PCDHGB2: variants seen among roughly 807,000 people sequenced by gnomAD.
PCDHGB2 encodes protocadherin gamma subfamily B, 2, also known as protocadherin gamma-B2.
A neutral mutation model predicts 59.3 loss-of-function variants in PCDHGB2; 55 were observed. That is an observed-to-expected ratio of 0.93 (90% CI 0.75 to 1.16). The LOEUF (loss-of-function observed/expected upper bound fraction) is 1.16, where lower values mean the gene tolerates loss of function less well. PCDHGB2 is among the 50% of genes most tolerant of loss of function. The probability of loss-of-function intolerance (pLI) is 0.00; values close to 1 mark genes in which losing one functional copy is unlikely to be tolerated. For synonymous variants in PCDHGB2, 516 were observed against 512.0 expected, an observed-to-expected ratio of 1.01 and a Z score of -0.11; for missense variants, 1,228 against 1,198.5, an observed-to-expected ratio of 1.02 and a Z score of -0.36.
intron 1 of PCDHGB2, among the ~76,000 whole-genome samples, chr5:141,494,568 C>T (rs2099755322): frequency 6.6e-6 from 1 of 152,138 alleles, no homozygotes; most frequent in African/African-American, 2.4e-5. Context: ...GGAAAGGAGT[C>T]TCAGCTTGCT....
Position 141,431,046 on chromosome 5 carries a change from G to A in PCDHGB2, c.2422-63761G>A, listed in dbSNP as rs1324139757. 7 of 1,614,240 alleles carry A rather than the reference G, an allele frequency of 4.3e-6. 1 individual carries two copies. The Admixed American group carries it at 1.0e-4, about 23-fold the overall frequency. ...GGCAGGATAGACCGGGAGGAGCTCTGTATGGGGGCCATCAAGTGTCAATTA... is the reference window on the plus strand; with the variant it reads ...GGCAGGATAGACCGGGAGGAGCTCTATATGGGGGCCATCAAGTGTCAATTA... On this transcript the variant is annotated intron_variant, in intron 1 of 3. Transcript: ENST00000522605. The surrounding 1 kb of genome is among the most constrained non-coding windows in gnomAD (Gnocchi z 4.8).
chr5:141,403,079 T>C (rs770770660), intron 1 of PCDHGB2: 3 of 1,614,064 alleles, frequency 1.9e-6, no homozygotes, highest in Non-Finnish European at 1.7e-6. Flanking sequence ...AGAAAAGGGC[T>C]ATATTGTGGG....
intron 1 of PCDHGB2, among the ~76,000 whole-genome samples, chr5:141,492,927 G>A (rs925569925): frequency 2.0e-5 from 3 of 152,180 alleles, no homozygotes; most frequent in Admixed American, 6.5e-5. Context: ...AGCGATCTAG[G>A]GTCAGAGATT....
chr5:141,483,442 AATCATCAGGACTTGTTG>A (rs2099581330), intron 1 of PCDHGB2, among the ~76,000 whole-genome samples: 1 of 152,196 alleles, frequency 6.6e-6, no homozygotes, highest in Non-Finnish European at 1.5e-5. Context: ...ACTACAATAA[AATCATCAGGACTTGTTG>A]ATTGACATGA....
chr5:141,400,965 CTCTT>C (rs2094096418), intron 1 of PCDHGB2, among the ~76,000 whole-genome samples: 1 of 151,032 alleles, frequency 6.6e-6, no homozygotes, highest in Non-Finnish European at 1.5e-5. Flanking sequence ...TAGTTTTCAT[CTCTT>C]TCTTATGTTC....
intron 1 of PCDHGB2, chr5:141,492,055 G>C (rs1335131646): frequency 4.1e-6 from 2 of 493,506 alleles, no homozygotes; most frequent in Non-Finnish European, 7.1e-6. Flanking sequence ...CACCCCTGCA[G>C]CCAGCCTCCT....
rs529787438 is a variant in PCDHGB2 at position 141,470,330 on chromosome 5, G to A, written c.2422-24477G>A. Among the ~76,000 whole-genome samples the A allele has an allele frequency of 3.3e-4, 50 of 152,144 alleles. 1 individual carries two copies. The highest frequency in any genetic ancestry group is 1.1e-3 in the African/African-American group (47 of 41,498). ...TTTTCCTCAAATGATCCCATAATTT[G>A]ACCTTAGGAAGCTGTTCAAATAGAC... On this transcript the variant is annotated intron_variant, in intron 1 of 3. Coordinates refer to ENST00000522605, the MANE Select transcript of PCDHGB2 (RefSeq NM_018923.3).
intron 1 of PCDHGB2, chr5:141,413,323 G>A (rs1221252167): frequency 2.5e-6 from 4 of 1,613,840 alleles, no homozygotes; most frequent in Non-Finnish European, 3.4e-6. Flanking sequence ...CTCTTTCGTG[G>A]GCAACATCTC....
chr5:141,419,681 G>T (rs377117997), intron 1 of PCDHGB2: 89 of 1,612,904 alleles, frequency 5.5e-5, no homozygotes, highest in Non-Finnish European at 7.0e-5. Flanking sequence ...GTCCTACCAC[G>T]TGGTGCAGGC....
At chr5:141,404,437 C>T in intron 1 of PCDHGB2, 3 of 1,613,094 alleles carry the variant, frequency 1.9e-6, no homozygotes, top group Non-Finnish European at 2.5e-6. Context: ...CAGAGGATAC[C>T]ATCCAAGGGT....
intron 1 of PCDHGB2, chr5:141,399,646 AGT>A: frequency 6.2e-7 from 1 of 1,613,790 alleles, no homozygotes; most frequent in African/African-American, 1.3e-5. Context: ...GAGCGCGCAA[AGT>A]GGGGTGGTGT....
chr5:141,397,004 T>A (rs2150690904), intron 1 of PCDHGB2, among the ~76,000 whole-genome samples: 2 of 152,342 alleles, frequency 1.3e-5, no homozygotes, highest in African/African-American at 4.8e-5. Context: ...ATCTGACAAA[T>A]GGACTAAAGA....
At position 141,364,360 on chromosome 5, in the gene PCDHGB2, C is replaced by G. The variant is rs200312693; in HGVS notation, c.2421+1804C>G. 3.8e-6 allele frequency: 6 copies of G among 1,558,464 alleles called. No individual in the cohort carries two copies. The highest frequency in any genetic ancestry group is 1.7e-4 in the Middle Eastern group (1 of 5,766). On this transcript the variant is annotated intron_variant, in intron 1 of 3. Coordinates refer to ENST00000522605, the MANE Select transcript of PCDHGB2 (RefSeq NM_018923.3). ...CGAGTCCACCTAGGGGCTGGGGCTGCGGAGAGCTGCTGCTGCCCTTCATGC... is the reference window on the plus strand; with the variant it reads ...CGAGTCCACCTAGGGGCTGGGGCTGGGGAGAGCTGCTGCTGCCCTTCATGC...
At position 141,445,006 on chromosome 5, in the gene PCDHGB2, G is replaced by A. The variant is rs550056654; in HGVS notation, c.2422-49801G>A. Among the ~76,000 whole-genome samples, 51 of 152,044 alleles carry A rather than the reference G, an allele frequency of 3.4e-4. 2 individuals are homozygous for A. The South Asian group carries it at 9.6e-3, about 28-fold the overall frequency. ...CATGGTATATATTTCCATTTAATTA[G>A]GTCTTTAATTTCTCTCAGCTATGTT... On this transcript the variant is annotated intron_variant, in intron 1 of 3. Transcript: ENST00000522605.
At position 141,489,298 on chromosome 5, in the gene PCDHGB2, T is replaced by C; in HGVS notation, c.2422-5509T>C. On this transcript the variant is annotated intron_variant, in intron 1 of 3. Transcript: ENST00000522605. This position sits in a 1 kb window ranked among gnomAD's most constrained non-coding sequence, Gnocchi z 4.5. ...GAAATGGCAAGTGCTGTGCATGTTG[T>C]CCTTGTGCTGCTGGGGCTGGGTGTC... The C allele has an allele frequency of 6.3e-7, 1 of 1,584,418 alleles. No individual in the cohort carries two copies. The highest frequency in any genetic ancestry group is 8.6e-7 in the Non-Finnish European group (1 of 1,165,192).
In PCDHGB2 at chr5:141,360,863, G is replaced by T; in HGVS notation, c.728G>T (p.Ser243Ile). The T allele has an allele frequency of 6.2e-7, 1 of 1,614,000 alleles. No individual in the cohort carries two copies. Among genetic ancestry groups the T allele is most frequent in the Non-Finnish European group, 8.5e-7 (1 of 1,179,906 alleles). Residue 243 changes from serine (S) to isoleucine (I), a missense_variant, in exon 1 of 4, where the codon AGC becomes ATC. Physicochemically the swap from Ser to Ile is moderately radical, Grantham distance 142 (BLOSUM62 -2). This residue lies in a region of PCDHGB2 where 781 missense variants were observed against 721.6 expected (regional missense o/e 1.08). Transcript: ENST00000522605. ...GCCAACGATAACCCTCCAGTGTTCA[G>T]CCAGGACGTGTACAGGGTCACCCTG... is the stretch of plus-strand genomic sequence containing the variant. ...TDANDNPPVF[S>I]QDVYRVTLRE...
chr5:141,364,635 G>T, intron 1 of PCDHGB2: 1 of 1,614,158 alleles, frequency 6.2e-7, no homozygotes, highest in South Asian at 1.1e-5. Context: ...AGCCCACTGT[G>T]TGTGGTGAAC....
At chr5:141,413,597 A>C in intron 1 of PCDHGB2, 2 of 1,613,888 alleles carry the variant, frequency 1.2e-6, no homozygotes, top group Non-Finnish European at 8.5e-7. Context: ...CAAGCAGAAA[A>C]TCTAGACGTA....
rs1347283176 is a variant in PCDHGB2, at chr5:141,360,728, A to T, written c.593A>T (p.His198Leu). The change falls in exon 1 of 4, where the codon CAC (histidine) becomes CTC (leucine). Residue 198 changes from histidine to leucine, a missense_variant. Coordinates refer to ENST00000522605, the MANE Select transcript of PCDHGB2 (RefSeq NM_018923.3). ...AAATATCCTGAGTTGATTCTAAAAC[A>T]CTCTCTGGACAGAGAAGAGCACAGT... ...GRKYPELILK[H>L]SLDREEHSLH... 4 of 1,613,740 alleles carry T rather than the reference A, an allele frequency of 2.5e-6. No individual in the cohort carries two copies. The African/African-American group carries it at 5.3e-5, about 22-fold the overall frequency.
Sources: allele counts gnomAD v4.1 joint callset (sites outside exome capture counted in the v4.1 genomes callset), GRCh38; gene constraint gnomAD v4.1.1; regional missense constraint gnomAD v4.1.1; non-coding constraint Gnocchi (gnomAD v3.1); transcripts MANE v1.5; gene names NCBI Gene and HGNC (gene_info 2026-07-23, HGNC 2026-07-21).